Variants in XPO4 observed in about 807,000 individuals in gnomAD.
XPO4 encodes exportin 4, also known as exportin-4.
In XPO4, 39 loss-of-function variants were observed where a neutral mutation model predicts 143.0. That is an observed-to-expected ratio of 0.27 (90% CI 0.21 to 0.36). XPO4 has a LOEUF of 0.36. XPO4 is among the 10% of genes least tolerant of loss of function. The pLI is 1.00. For missense variants in XPO4, 907 were observed against 1,348.0 expected (o/e 0.67, Z 5.12); for synonymous variants, 439 against 474.0 (o/e 0.93, Z 0.96).
chr13:20,827,080 T>C lies in XPO4; in HGVS notation c.827A>G (p.Glu276Gly). ...ACTAAAACTTACTGTGAAGAAAAGC[T>C]CCATAACTCTGCTGTCCAGAAGAGT... Reference protein sequence around the residue: ...RETLLDSRVMELFFTVHRKIR... With the variant: ...RETLLDSRVMGLFFTVHRKIR... The change falls in exon 7 of 23, where the codon GAG becomes GGG. Residue 276 changes from glutamate (E) to glycine (G), a missense_variant. By Grantham distance (98) the Glu-to-Gly change is moderately conservative (BLOSUM62 -2). Transcript: ENST00000255305. The C allele has an allele frequency of 6.2e-7, 1 of 1,612,684 alleles. No individual in the cohort carries two copies. The highest frequency in any genetic ancestry group is 8.5e-7 in the Non-Finnish European group (1 of 1,178,778).
At chr13:20,858,229 C>CA (rs150735559) in intron 3 of XPO4, among the ~76,000 whole-genome samples, 8,842 of 148,930 alleles carry the variant, frequency 0.059, 653 homozygotes, top group African/African-American at 0.17. Context: ...ACTGCAATAC[C>CA]AAAAAAAAAG....
chr13:20,782,716 C>T lies in XPO4; in HGVS notation c.*1006G>A, dbSNP rs10507292. 2 of 152,474 alleles carry T rather than the reference C, an allele frequency of 1.3e-5. No individual in the cohort carries two copies. Among genetic ancestry groups the T allele is most frequent in the Non-Finnish European group, 2.9e-5 (2 of 68,034 alleles). The allele number at this position is 152,474 out of a possible 1,614,324, so 9.4% of individuals were successfully genotyped here. A position where few individuals can be genotyped will look rare whatever the true frequency, so the allele number is the denominator to read the frequency against. ...TGATAAACCTACATAAATACACGAT[C>T]GAAAGGGGCAACAGGTTCATAGCAG... On this transcript the variant is annotated 3_prime_UTR_variant, in exon 23 of 23. Coordinates refer to ENST00000255305, the MANE Select transcript of XPO4 (RefSeq NM_022459.5).
rs117363736 is a variant in XPO4 at position 20,817,665 on chromosome 13, A to G, written c.1173+4039T>C. 7.3e-3 allele frequency among the ~76,000 whole-genome samples: 1,116 copies of G among 152,344 alleles called. 18 individuals carry two copies. Among genetic ancestry groups the G allele is most frequent in the Non-Finnish European group, 6.7e-3 (454 of 68,030 alleles). On this transcript the variant is annotated intron_variant, in intron 9 of 22. Transcript: ENST00000255305. ...CTCAAAATGGTTAATTATAAAAGAAACCAAGAAACAAACTAGAGTATACAG... is the reference window on the plus strand; with the variant it reads ...CTCAAAATGGTTAATTATAAAAGAAGCCAAGAAACAAACTAGAGTATACAG...
At chr13:20,888,175 C>CA (rs60114182) in intron 1 of XPO4, among the ~76,000 whole-genome samples, 8,929 of 90,446 alleles carry the variant, frequency 0.099, 930 homozygotes, top group African/African-American at 0.29. Flanking sequence ...AACTCCATCT[C>CA]AAAAAAAAAA....
intron 9 of XPO4, among the ~76,000 whole-genome samples, chr13:20,816,955 A>G (rs1162286482): frequency 6.6e-6 from 1 of 152,256 alleles, no homozygotes; most frequent in Non-Finnish European, 1.5e-5. Flanking sequence ...ATTTAATTCT[A>G]TCTTTTAAGC....
intron 4 of XPO4, chr13:20,848,427 C>T (rs542008019): frequency 2.5e-5 from 25 of 985,248 alleles, no homozygotes; most frequent in Non-Finnish European, 2.9e-5. Context: ...CACCCTCTGC[C>T]ATACCTAATT....
At chr13:20,902,765 G>A (rs1341672698), upstream of XPO4, 3 of 1,428,048 alleles carry the variant, frequency 2.1e-6, no homozygotes, top group Non-Finnish European at 2.8e-6. Context: ...CGCGCCATGC[G>A]CTGCATTCTG....
At chr13:20,824,039 C>T (rs1321647559) in intron 7 of XPO4, among the ~76,000 whole-genome samples, 1 of 152,192 alleles carries the variant, frequency 6.6e-6, no homozygotes, top group African/African-American at 2.4e-5. Flanking sequence ...TTCTGTACTA[C>T]AATGGCAGTG....
At chr13:20,823,211 A>G (rs1203883344) in intron 7 of XPO4, among the ~76,000 whole-genome samples, 1 of 152,108 alleles carries the variant, frequency 6.6e-6, no homozygotes, top group African/African-American at 2.4e-5. Context: ...TTCTCTCTCT[A>G]TTTTGTAAAT....
chr13:20,820,916 A>G (rs974605076), intron 9 of XPO4, among the ~76,000 whole-genome samples: 10 of 152,242 alleles, frequency 6.6e-5, no homozygotes, highest in African/African-American at 2.4e-4. Context: ...ACAGCCTTTC[A>G]GAAAGATTCA....
chr13:20,856,611 G>A (rs1409530056), intron 3 of XPO4, among the ~76,000 whole-genome samples: 1 of 152,098 alleles, frequency 6.6e-6, no homozygotes, highest in Non-Finnish European at 1.5e-5. Flanking sequence ...TAGCTTTCCT[G>A]GGACAGCCTC....
intron 18 of XPO4, 79 bp from the exon 19 acceptor site, chr13:20,790,659 T>C: frequency 9.1e-7 from 1 of 1,098,586 alleles, no homozygotes; most frequent in Non-Finnish European, 1.4e-6. Flanking sequence ...CTTATGAAAA[T>C]AAACTCACCC....
chr13:20,859,783 A>AT (rs1257449571), intron 3 of XPO4: 5 of 836,538 alleles, frequency 6.0e-6, no homozygotes, highest in Non-Finnish European at 7.2e-6. Flanking sequence ...CTCAAAAAAA[A>AT]TTAAAAAAAA....
chr13:20,808,517 C>G lies in XPO4; in HGVS notation c.1558G>C (p.Ala520Pro). ...TCAACAGTGCTTGAACCCGGTGAAG[C>G]AAGTAACTGTTGCTGATGTCGTTGT... ...QLQRHQQQLL[A>P]SPGSSTVDNK... The change falls in exon 12 of 23, where the codon GCT (alanine) becomes CCT (proline). Residue 520 changes from alanine (A) to proline (P), a missense_variant. Coordinates refer to ENST00000255305, the MANE Select transcript of XPO4 (RefSeq NM_022459.5). 6.3e-7 allele frequency: 1 copy of G among 1,576,130 alleles called. No individual in the cohort carries two copies. Among genetic ancestry groups the G allele is most frequent in the South Asian group, 1.2e-5 (1 of 86,248 alleles).
At chr13:20,826,397 C>A (rs563881404) in intron 7 of XPO4, among the ~76,000 whole-genome samples, 48 of 152,244 alleles carry the variant, frequency 3.2e-4, no homozygotes, top group African/African-American at 1.0e-3. Flanking sequence ...ATCCCTGAAG[C>A]TTTTTAAAAG....
In XPO4 at chr13:20,782,388, T is replaced by C. The variant is rs540898200; in HGVS notation, c.*1334A>G. ...GTATAAATTAGCTTTCATTTCCACA[T>C]TGTAAGCTGGCACACTGAATTAGGG... On this transcript the variant is annotated 3_prime_UTR_variant, in exon 23 of 23. Transcript: ENST00000255305. 3.3e-5 allele frequency: 5 copies of C among 152,526 alleles called. No homozygotes were observed. The highest frequency in any genetic ancestry group is 3.9e-4 in the East Asian group (2 of 5,190). The allele number at this position is 152,526 out of a possible 1,614,324, so 9.4% of individuals were successfully genotyped here. A position where few individuals can be genotyped will look rare whatever the true frequency, so the allele number is the denominator to read the frequency against.
intron 4 of XPO4, chr13:20,849,484 TA>T: frequency 1.0e-6 from 1 of 984,954 alleles, no homozygotes; most frequent in East Asian, 1.1e-4. Context: ...TAGCTTAAAA[TA>T]AAAAATTTTG....
At position 20,850,832 on chromosome 13, in the gene XPO4, T is replaced by C. The variant is rs1262604216; in HGVS notation, c.456+4795A>G. The C allele has an allele frequency of 3.0e-6, 3 of 985,282 alleles. No homozygotes were observed. In the Admixed American group the frequency reaches 1.8e-4, roughly 61 times the overall value. 61.0% of individuals were successfully genotyped at this position (985,282 alleles called of 1,614,324 possible). A position where few individuals can be genotyped will look rare whatever the true frequency, so the allele number is the denominator to read the frequency against. ...GCGAAGGGGGAAAAGCCAGACTACATACAGTTTCTGGCCAATGAAGGTTGA... is the reference window on the plus strand; with the variant it reads ...GCGAAGGGGGAAAAGCCAGACTACACACAGTTTCTGGCCAATGAAGGTTGA... On this transcript the variant is annotated intron_variant, in intron 4 of 22. Transcript: ENST00000255305.
Position 20,796,179 on chromosome 13 carries a change from T to C in XPO4, c.2694A>G (p.Arg898=). 26 of 1,613,778 alleles carry C rather than the reference T, an allele frequency of 1.6e-5. No homozygotes were observed. Among genetic ancestry groups the C allele is most frequent in the Non-Finnish European group, 2.2e-5 (26 of 1,179,960 alleles). Residue 898 remains arginine (R), a synonymous_variant, in exon 18 of 23, where the codon AGA becomes AGG. Coordinates refer to ENST00000255305, the MANE Select transcript of XPO4 (RefSeq NM_022459.5). The part of the protein sequence containing the change: ...VYSKNNLGRQ[R]IDVTAEEEQY... ...GCTCTTCTTCTGCTGTAACATCTAT[T>C]CTTTGCCGCCCTAAATTATTCTTAG...
Sources: gnomAD v4.1 joint callset for allele counts (sites outside exome capture counted in the v4.1 genomes callset) on GRCh38, gnomAD v4.1.1 for gene constraint, MANE v1.5 for transcripts, NCBI Gene and HGNC (gene_info 2026-07-23, HGNC 2026-07-21) for gene names.